Variants in GPR158 observed in about 807,000 individuals in gnomAD.
The protein encoded by GPR158 is metabotropic glycine receptor.
GPR158 carries 30 observed loss-of-function variants against 78.2 expected under a neutral mutation model. The ratio of observed to expected loss-of-function variants is 0.38; its 90% confidence interval spans 0.29 to 0.52. The LOEUF (loss-of-function observed/expected upper bound fraction) is 0.52, where lower values mean the gene tolerates loss of function less well. Among genes scored for constraint, GPR158 ranks in the 20% least tolerant of loss-of-function variants. GPR158 has a pLI of 0.83. For missense variants in GPR158, 1,463 were observed against 1,523.5 expected (o/e 0.96, Z 0.66); for synonymous variants, 581 against 591.1 (o/e 0.98, Z 0.25).
intron 2 of GPR158, among the ~76,000 whole-genome samples, chr10:25,229,185 A>AG: frequency 6.6e-6 from 1 of 152,250 alleles, no homozygotes; most frequent in East Asian, 1.9e-4. Context: ...ACTTGTATGG[A>AG]GCTGGGAAGA....
At chr10:25,409,880 A>G (rs1310309413) in intron 3 of GPR158, among the ~76,000 whole-genome samples, 1 of 152,140 alleles carries the variant, frequency 6.6e-6, no homozygotes, top group Non-Finnish European at 1.5e-5. Context: ...TTTTCATTCA[A>G]TAGAGCATTT....
rs1854878207 is a variant in GPR158 at position 25,317,725 on chromosome 10, TGTTTTG to T, written c.1009-78185_1009-78180del. 2.9e-4 allele frequency among the ~76,000 whole-genome samples: 40 copies of T among 136,306 alleles called. 2 individuals are homozygous for T. The highest frequency in any genetic ancestry group is 9.1e-4 in the South Asian group (4 of 4,406). 89.4% of individuals were successfully genotyped at this position (136,306 alleles called of 152,430 possible). ...GTTTTCTTCGTAAAGTGTTTTTTTT[TGTTTTG>T]TTTTGTTTTGTTTTTGAGACAGAGT... On this transcript the variant is annotated intron_variant, in intron 2 of 10. Transcript: ENST00000376351.
intron 4 of GPR158, among the ~76,000 whole-genome samples, chr10:25,422,777 A>G (rs1773679): frequency 0.7 from 105,346 of 150,594 alleles, 37,869 homozygotes; most frequent in Non-Finnish European, 0.8. Context: ...TTTAGTGGTG[A>G]TTTCTGAGAT....
chr10:25,498,763 CTG>C (rs1033931350), intron 5 of GPR158, among the ~76,000 whole-genome samples: 7 of 152,136 alleles, frequency 4.6e-5, no homozygotes, highest in African/African-American at 1.7e-4. Context: ...GAATGTAGGG[CTG>C]TGTGGGAGGT....
chr10:25,338,471 A>AT (rs1471046915), intron 2 of GPR158, among the ~76,000 whole-genome samples: 2 of 132,496 alleles, frequency 1.5e-5, no homozygotes, highest in Admixed American at 7.3e-5. Context: ...TACGTATATT[A>AT]TACGTATAAT....
At chr10:25,449,713 C>T (rs1835188418) in intron 4 of GPR158, among the ~76,000 whole-genome samples, 1 of 152,048 alleles carries the variant, frequency 6.6e-6, no homozygotes, top group Non-Finnish European at 1.5e-5. Flanking sequence ...ACTTGAACAT[C>T]CCTGAGAGGA....
intron 2 of GPR158, among the ~76,000 whole-genome samples, chr10:25,249,749 T>A (rs1472659233): frequency 6.6e-6 from 1 of 152,156 alleles, no homozygotes; most frequent in Non-Finnish European, 1.5e-5. Flanking sequence ...TCAATGTTCA[T>A]CAAGGATATT....
At chr10:25,425,888 G>C (rs7916084) in intron 4 of GPR158, among the ~76,000 whole-genome samples, 106,306 of 151,914 alleles carry the variant, frequency 0.7, 38,205 homozygotes, top group Non-Finnish European at 0.8. Context: ...TCAAGATTGT[G>C]CTCTATTTCA....
chr10:25,504,851 G>A (rs183593310), intron 5 of GPR158, among the ~76,000 whole-genome samples: 265 of 152,300 alleles, frequency 1.7e-3, no homozygotes, highest in Middle Eastern at 3.4e-3. Context: ...TTCTGGGTCA[G>A]CTATTACCTG....
At chr10:25,447,429 G>A (rs1167809848) in intron 4 of GPR158, among the ~76,000 whole-genome samples, 2 of 152,208 alleles carry the variant, frequency 1.3e-5, no homozygotes, top group Non-Finnish European at 2.9e-5. Context: ...ACCACCTTAT[G>A]TGTGGTGCTC....
intron 2 of GPR158, among the ~76,000 whole-genome samples, chr10:25,320,591 G>A (rs1254559854): frequency 6.6e-6 from 1 of 152,130 alleles, no homozygotes; most frequent in Non-Finnish European, 1.5e-5. Context: ...ATAAGTTGGT[G>A]GCCTACTATG....
At chr10:25,314,885 A>ATATATATATATG (rs1329409723) in intron 2 of GPR158, among the ~76,000 whole-genome samples, 15 of 120,316 alleles carry the variant, frequency 1.2e-4, no homozygotes, top group African/African-American at 5.1e-4. Context: ...ATATATATAT[A>ATATATATATATG]TGACTAATGA....
Position 25,589,047 on chromosome 10 carries a change from T to C in GPR158, c.1794T>C (p.Tyr598=). 6.2e-7 allele frequency: 1 copy of C among 1,609,366 alleles called. No individual in the cohort carries two copies. Among genetic ancestry groups the C allele is most frequent in the South Asian group, 1.1e-5 (1 of 90,386 alleles). Residue 598 remains tyrosine, a synonymous_variant, in exon 8 of 11, where the codon TAT becomes TAC. Transcript: ENST00000376351. The stretch of plus-strand genomic sequence containing the variant: ...TCTTGTGGGGTGTTTATCTCTGCTA[T>C]GCAGTGCGGACAGTCCCATCGGCAT... ...LFLLWGVYLC[Y]AVRTVPSAFH... is the part of the protein sequence containing the mutation.
chr10:25,598,094 A>G lies in GPR158; in HGVS notation c.2468A>G (p.His823Arg), dbSNP rs774048467. 4 of 1,614,098 alleles carry G rather than the reference A, an allele frequency of 2.5e-6. No homozygotes were observed. The highest frequency in any genetic ancestry group is 2.2e-5 in the East Asian group (1 of 44,872). Residue 823 changes from histidine to arginine, a missense_variant, in exon 11 of 11, where the codon CAC becomes CGC. Coordinates refer to ENST00000376351, the MANE Select transcript of GPR158 (RefSeq NM_020752.3). The stretch of plus-strand genomic sequence containing the variant: ...AAGAAATCCCACAGCACTTATGACC[A>G]CGTGAGAGACCAAACGGAAGAGTCC... The part of the protein sequence containing the change: ...SLKKSHSTYD[H>R]VRDQTEESSS...
chr10:25,445,050 T>C (rs1249718228), intron 4 of GPR158, among the ~76,000 whole-genome samples: 1 of 152,184 alleles, frequency 6.6e-6, no homozygotes, highest in Non-Finnish European at 1.5e-5. Flanking sequence ...GAAATGGAGA[T>C]GGAATATAAA....
At chr10:25,499,847 G>A (rs1835930719) in intron 5 of GPR158, among the ~76,000 whole-genome samples, 1 of 152,170 alleles carries the variant, frequency 6.6e-6, no homozygotes, top group Non-Finnish European at 1.5e-5. Flanking sequence ...GGGGCCCAGT[G>A]TGCCTGCGTC....
At chr10:25,444,373 G>C (rs1835109377) in intron 4 of GPR158, among the ~76,000 whole-genome samples, 1 of 151,358 alleles carries the variant, frequency 6.6e-6, no homozygotes, top group Admixed American at 6.6e-5. Context: ...CGGTAGTTGT[G>C]TGTGGTAGGT....
intron 5 of GPR158, among the ~76,000 whole-genome samples, chr10:25,530,218 T>C (rs1413752067): frequency 6.6e-6 from 1 of 152,166 alleles, no homozygotes; most frequent in Non-Finnish European, 1.5e-5. Context: ...AAGTGAAAAG[T>C]GTTATTAAAA....
intron 5 of GPR158, among the ~76,000 whole-genome samples, chr10:25,532,320 A>G (rs1836435233): frequency 6.6e-6 from 1 of 152,166 alleles, no homozygotes; most frequent in African/African-American, 2.4e-5. Context: ...GGGACAGGGT[A>G]TGCCTAAGAG....
Sources: gnomAD v4.1 joint callset for allele counts (sites outside exome capture counted in the v4.1 genomes callset) on GRCh38, gnomAD v4.1.1 for gene constraint, MANE v1.5 for transcripts, NCBI Gene and HGNC (gene_info 2026-07-23, HGNC 2026-07-21) for gene names.